The following TXNDC9 variants were observed in gnomAD, a reference collection of about 807,000 sequenced individuals.
TXNDC9 encodes thioredoxin domain containing 9, also known as thioredoxin domain-containing protein 9.
Under a neutral mutation model 23.0 loss-of-function variants are expected in TXNDC9, and 7 were observed. The ratio of observed to expected loss-of-function variants is 0.30; its 90% confidence interval spans 0.17 to 0.57. The LOEUF is 0.57. TXNDC9 is among the 20% of genes least tolerant of loss of function. The probability of loss-of-function intolerance (pLI) is 0.90; values close to 1 mark genes in which losing one functional copy is unlikely to be tolerated. For missense variants in TXNDC9, 198 were observed against 252.6 expected (o/e 0.78, Z 1.47); for synonymous variants, 72 against 90.6 (o/e 0.79, Z 1.17).
intron 1 of TXNDC9, 135 bp downstream of exon 1, chr2:99,336,104 G>T: frequency 1.3e-6 from 1 of 782,702 alleles, no homozygotes; most frequent in Non-Finnish European, 1.6e-6. Context: ...TGGTGCGCTT[G>T]CGCAAGAGCC....
downstream of TXNDC9, among the ~76,000 whole-genome samples, chr2:99,317,972 C>G (rs1199571064): frequency 2.0e-5 from 3 of 152,224 alleles, no homozygotes; most frequent in Non-Finnish European, 4.4e-5. Flanking sequence ...CCCACTACAA[C>G]CTCTGCCTCT....
intron 2 of TXNDC9, 106 bp from the exon 3 acceptor site, chr2:99,327,759 T>TA (rs569332347): frequency 2.0e-3 from 1,211 of 610,312 alleles, no homozygotes; most frequent in East Asian, 2.4e-3. Context: ...TGAAGTCAAT[T>TA]AAAAAAAAAA....
At chr2:99,307,017 T>TCCCTC in the TXNDC9 span, among the ~76,000 whole-genome samples, 60 of 116,594 alleles carry the variant, frequency 5.1e-4, no homozygotes, top group East Asian at 9.8e-4. Flanking sequence ...CTCCCTCCCT[T>TCCCTC]CCTTCCTTCC....
At chr2:99,309,545 AC>A in the TXNDC9 span, among the ~76,000 whole-genome samples, 1 of 151,160 alleles carries the variant, frequency 6.6e-6, no homozygotes, top group East Asian at 2.0e-4. Context: ...AAAGCAAAAA[AC>A]CCAGGGGCTG....
intron 1 of TXNDC9, among the ~76,000 whole-genome samples, chr2:99,334,380 A>G (rs910112328): frequency 6.6e-6 from 1 of 152,228 alleles, no homozygotes; most frequent in African/African-American, 2.4e-5. Flanking sequence ...AAAACCCACA[A>G]AACAATGAGA....
intron 1 of TXNDC9, among the ~76,000 whole-genome samples, chr2:99,333,720 A>AT (rs1314022487): frequency 3.3e-5 from 5 of 152,134 alleles, no homozygotes; most frequent in African/African-American, 1.2e-4. Context: ...CAAAACACAG[A>AT]TTTTTTTCAT....
chr2:99,316,549 T>A (rs1386339183), downstream of TXNDC9, among the ~76,000 whole-genome samples: 2 of 152,140 alleles, frequency 1.3e-5, no homozygotes. Flanking sequence ...ACTATAGTTT[T>A]GGTATGCATC....
intron 2 of TXNDC9, among the ~76,000 whole-genome samples, chr2:99,327,929 C>T (rs55815229): frequency 0.44 from 66,028 of 150,942 alleles, 14,718 homozygotes; most frequent in Admixed American, 0.57. Context: ...GGACTACAGG[C>T]GGGCACCAGT....
intron 2 of TXNDC9, among the ~76,000 whole-genome samples, chr2:99,330,308 A>AAAAAAAAAAAAAAAAAAAAAAG (rs2094221882): frequency 6.7e-6 from 1 of 148,410 alleles, no homozygotes; most frequent in Non-Finnish European, 1.5e-5. Flanking sequence ...AAAAAAAAAA[A>AAAAAAAAAAAAAAAAAAAAAAG]AAAAAAAAAA....
chr2:99,310,701 T>C, the TXNDC9 span, among the ~76,000 whole-genome samples: 1 of 152,084 alleles, frequency 6.6e-6, no homozygotes, highest in Admixed American at 6.6e-5. Flanking sequence ...TTCACAGAGA[T>C]GGAACCAGCT....
At chr2:99,325,608 A>G (rs146144958) in intron 3 of TXNDC9, among the ~76,000 whole-genome samples, 1 of 152,328 alleles carries the variant, frequency 6.6e-6, no homozygotes, top group African/African-American at 2.4e-5. Context: ...ACCACCTACT[A>G]TGCGTCAGGC....
rs568781501 is a variant in TXNDC9, at chr2:99,326,003, T to G, written c.308+1532A>C. ...TCTAGCCTGGGTGACAGTGTAAGAC[T>G]CTGTCTCAAAAACAAAAAAAAACAA... On this transcript the variant is annotated intron_variant, in intron 3 of 4. Coordinates refer to ENST00000264255, the MANE Select transcript of TXNDC9 (RefSeq NM_005783.4). 2.1e-4 allele frequency among the ~76,000 whole-genome samples: 31 copies of G among 151,114 alleles called. 1 individual carries two copies. Among genetic ancestry groups the G allele is most frequent in the South Asian group, 1.0e-3 (5 of 4,778 alleles).
intron 2 of TXNDC9, among the ~76,000 whole-genome samples, 193 bp from the exon 3 acceptor site, chr2:99,327,846 G>A (rs1220495813): frequency 2.0e-5 from 3 of 150,098 alleles, no homozygotes; most frequent in Non-Finnish European, 3.0e-5. Flanking sequence ...GGGCAGTGGC[G>A]CGATCTTGGC....
chr2:99,322,695 T>G, intron 3 of TXNDC9: 1 of 1,475,780 alleles, frequency 6.8e-7, no homozygotes, highest in Non-Finnish European at 9.0e-7. Flanking sequence ...TAAGGGTTAC[T>G]AATAATATTT....
intron 1 of TXNDC9, among the ~76,000 whole-genome samples, chr2:99,334,421 T>C (rs949107927): frequency 1.3e-5 from 2 of 152,158 alleles, no homozygotes; most frequent in African/African-American, 4.8e-5. Context: ...CATTAGGTGA[T>C]TTTGATATTG....
rs771780950 is a variant in TXNDC9 at position 99,322,031 on chromosome 2, C to T, written c.487G>A (p.Asp163Asn). 7 of 1,614,128 alleles carry T rather than the reference C, an allele frequency of 4.3e-6. No homozygotes were observed. The highest frequency in any genetic ancestry group is 5.9e-6 in the Non-Finnish European group (7 of 1,180,010). ...GTGAAGTCATCTGTATTTCCTAGGT[C>T]AGTAAACCCAACAACATAATCTTGT... ...KTQDYVVGFT[D>N]LGNTDDFTTE... The change falls in exon 4 of 5, where the codon GAC (aspartate) becomes AAC (asparagine). Residue 163 changes from aspartate (D) to asparagine (N), a missense_variant. Transcript: ENST00000264255.
At chr2:99,322,389 C>G (rs187095020) in intron 3 of TXNDC9, 180 bp from the exon 4 acceptor site, 1 of 1,208,128 alleles carries the variant, frequency 8.3e-7, no homozygotes, top group Non-Finnish European at 1.1e-6. Flanking sequence ...TGCCTGATTA[C>G]GAGATGGGAA....
chr2:99,308,988 A>C, the TXNDC9 span, among the ~76,000 whole-genome samples: 1 of 152,142 alleles, frequency 6.6e-6, no homozygotes, highest in Non-Finnish European at 1.5e-5. Context: ...AGGCGTAAGC[A>C]GCCGTGCCTG....
the TXNDC9 span, among the ~76,000 whole-genome samples, chr2:99,309,233 C>T: frequency 1.3e-5 from 2 of 151,040 alleles, no homozygotes; most frequent in African/African-American, 2.4e-5. Flanking sequence ...ATTAGCTGGG[C>T]GTGGTGGCAC....
Sources: allele counts gnomAD v4.1 joint callset (sites outside exome capture counted in the v4.1 genomes callset), GRCh38; gene constraint gnomAD v4.1.1; transcripts MANE v1.5; gene names NCBI Gene and HGNC (gene_info 2026-07-23, HGNC 2026-07-21).